ZNF782: variants seen among roughly 807,000 people sequenced by gnomAD.
ZNF782 encodes zinc finger protein 782.
Under a neutral mutation model 13.0 loss-of-function variants are expected in ZNF782, and 12 were observed. The ratio of observed to expected loss-of-function variants is 0.92; its 90% confidence interval spans 0.59 to 1.50. The LOEUF (loss-of-function observed/expected upper bound fraction) is 1.50, where lower values mean the gene tolerates loss of function less well. Among genes scored for constraint, ZNF782 ranks in the 40% most tolerant of loss-of-function variants. The pLI is 0.00. For missense variants in ZNF782, 770 were observed against 822.9 expected, an observed-to-expected ratio of 0.94 and a Z score of 0.79; for synonymous variants, 284 against 283.0, an observed-to-expected ratio of 1.00 and a Z score of -0.04.
At chr9:96,889,103 G>T in the ZNF782 span, 1 of 152,152 alleles carries the variant, frequency 6.6e-6, no homozygotes, top group African/African-American at 2.4e-5. Flanking sequence ...CGCAAAGCAG[G>T]AATTTCTCTA....
chr9:96,881,256 A>G, the ZNF782 span, among the ~76,000 whole-genome samples: 1 of 151,524 alleles, frequency 6.6e-6, no homozygotes, highest in East Asian at 1.9e-4. Context: ...TATGTTTTCA[A>G]TTTTCTTGAT....
upstream of ZNF782, among the ~76,000 whole-genome samples, chr9:96,855,613 A>AT (rs1307539154): frequency 1.3e-5 from 2 of 152,230 alleles, no homozygotes; most frequent in Non-Finnish European, 2.9e-5. Flanking sequence ...GCTAAGTAGT[A>AT]TATCATCAGA....
the ZNF782 span, among the ~76,000 whole-genome samples, chr9:96,924,794 G>C: frequency 6.6e-6 from 1 of 152,360 alleles, no homozygotes; most frequent in South Asian, 2.1e-4. Flanking sequence ...GAGCAGCACG[G>C]CCGAGACAAA....
In ZNF782 at chr9:96,827,149, T is replaced by G. The variant is rs751512381; in HGVS notation, c.175A>C (p.Thr59Pro). The change falls in exon 5 of 6, where the codon ACA (threonine) becomes CCA (proline). Residue 59 changes from threonine (T) to proline (P), a missense_variant. By Grantham distance (38) the Thr-to-Pro change is conservative (BLOSUM62 -1). Transcript: ENST00000481138. ...CATGGATCTTCTCCTTGTTCCAATG[T>G]GAAGATCAGTTCTGGTTTTGTAAAG... is the stretch of plus-strand genomic sequence containing the variant. ...YCFTKPELIF[T>P]LEQGEDPWLL... is the part of the protein sequence containing the mutation. The G allele has an allele frequency of 6.2e-7, 1 of 1,612,572 alleles. No individual in the cohort carries two copies. Among genetic ancestry groups the G allele is most frequent in the Admixed American group, 1.7e-5 (1 of 59,844 alleles).
chr9:96,818,703 G>T lies in ZNF782; in HGVS notation c.1320C>A (p.His440Gln). The T allele has an allele frequency of 6.2e-7, 1 of 1,613,148 alleles. No homozygotes were observed. Among genetic ancestry groups the T allele is most frequent in the Non-Finnish European group, 8.5e-7 (1 of 1,179,822 alleles). ...GTTTCTCCCCTGTGTGGGTTCTCTGGTGTATTCTTAGGCCTGACTTTGCAC... is the reference window on the plus strand; with the variant it reads ...GTTTCTCCCCTGTGTGGGTTCTCTGTTGTATTCTTAGGCCTGACTTTGCAC... ...AFSAKSGLRIHQRTHTGEKPF... is the reference protein window; with the variant it reads ...AFSAKSGLRIQQRTHTGEKPF... The change falls in exon 6 of 6, where the codon CAC (histidine) becomes CAA (glutamine). Residue 440 changes from histidine to glutamine, a missense_variant. By Grantham distance (24) the His-to-Gln change is conservative. Coordinates refer to ENST00000481138, the MANE Select transcript of ZNF782 (RefSeq NM_001001662.3).
chr9:96,885,307 A>G, the ZNF782 span, among the ~76,000 whole-genome samples: 1 of 152,184 alleles, frequency 6.6e-6, no homozygotes, highest in East Asian at 1.9e-4. Flanking sequence ...ACAAAAAGAA[A>G]CCAAATACAA....
At chr9:96,894,569 A>C in the ZNF782 span, 1 of 152,142 alleles carries the variant, frequency 6.6e-6, no homozygotes, top group African/African-American at 2.4e-5. Context: ...CCACTTACCC[A>C]AACTGTATTC....
chr9:96,880,943 T>C, the ZNF782 span, among the ~76,000 whole-genome samples: 1 of 152,200 alleles, frequency 6.6e-6, no homozygotes, highest in African/African-American at 2.4e-5. Flanking sequence ...TTTTAAACTA[T>C]GAATTCCATT....
chr9:96,844,368 A>C (rs1310773101), intron 4 of ZNF782, among the ~76,000 whole-genome samples: 1 of 152,246 alleles, frequency 6.6e-6, no homozygotes, highest in African/African-American at 2.4e-5. Context: ...ATAAAGGATA[A>C]TAAATTGCAG....
chr9:96,925,208 C>A, the ZNF782 span, among the ~76,000 whole-genome samples: 4 of 152,084 alleles, frequency 2.6e-5, no homozygotes, highest in Non-Finnish European at 5.9e-5. Context: ...CCTACACAGG[C>A]GCGCGGGGCA....
rs1210912250 is a variant in ZNF782, at chr9:96,850,028, G to C, written c.15+1919C>G. ...ACACAATGGATATTTGCATGGATGT[G>C]AAGAAAAGGGAATGCTTATACGCTG... On this transcript the variant is annotated intron_variant, in intron 3 of 5. Transcript: ENST00000481138. The surrounding 1 kb of genome is among the most constrained non-coding windows in gnomAD (Gnocchi z 4.3). Among the ~76,000 whole-genome samples, 3 of 152,150 alleles carry C rather than the reference G, an allele frequency of 2.0e-5. No homozygotes were observed. Among genetic ancestry groups the C allele is most frequent in the African/African-American group, 7.2e-5 (3 of 41,428 alleles).
At chr9:96,899,603 G>C in the ZNF782 span, among the ~76,000 whole-genome samples, 1 of 152,190 alleles carries the variant, frequency 6.6e-6, no homozygotes, top group Non-Finnish European at 1.5e-5. Context: ...CCAAGGTTAA[G>C]GGACTGCCTC....
chr9:96,884,581 G>C, the ZNF782 span, among the ~76,000 whole-genome samples: 1 of 151,956 alleles, frequency 6.6e-6, no homozygotes, highest in African/African-American at 2.4e-5. Flanking sequence ...CGAAGGCAGT[G>C]GAGCCAGTCA....
intron 4 of ZNF782, among the ~76,000 whole-genome samples, chr9:96,836,042 A>G (rs1324521907): frequency 6.6e-6 from 1 of 152,192 alleles, no homozygotes; most frequent in Non-Finnish European, 1.5e-5. Flanking sequence ...GAGAGAAGCC[A>G]TGAGAGTGGA....
At chr9:96,872,530 C>CA (rs34362915) in intron 1 of ZNF782, among the ~76,000 whole-genome samples, 62,675 of 138,510 alleles carry the variant, frequency 0.45, 14,251 homozygotes, top group Admixed American at 0.59. Flanking sequence ...GACTCTGTCT[C>CA]AAAAAAAAAA....
chr9:96,840,032 T>C (rs1435154714), intron 4 of ZNF782, among the ~76,000 whole-genome samples: 3 of 152,212 alleles, frequency 2.0e-5, no homozygotes, highest in African/African-American at 4.8e-5. Flanking sequence ...GTACTGTATA[T>C]GTTGCTGAGT....
chr9:96,917,349 A>G, the ZNF782 span, among the ~76,000 whole-genome samples: 1 of 151,422 alleles, frequency 6.6e-6, no homozygotes, highest in African/African-American at 2.4e-5. Context: ...GATGTTTAGC[A>G]AGGCTATTTG....
chr9:96,896,024 C>T, the ZNF782 span: 1 of 152,188 alleles, frequency 6.6e-6, no homozygotes, highest in Non-Finnish European at 1.5e-5. Context: ...TCCCATTCTA[C>T]TCCCCTATTT....
chr9:96,912,560 G>A, the ZNF782 span, among the ~76,000 whole-genome samples: 3 of 148,258 alleles, frequency 2.0e-5, no homozygotes, highest in Non-Finnish European at 3.0e-5. Context: ...ATGGAGTCTC[G>A]CTCTGTTGCC....
Sources: gnomAD v4.1 joint callset for allele counts (sites outside exome capture counted in the v4.1 genomes callset) on GRCh38, gnomAD v4.1.1 for gene constraint, Gnocchi (gnomAD v3.1) non-coding constraint, MANE v1.5 for transcripts, NCBI Gene and HGNC (gene_info 2026-07-23, HGNC 2026-07-21) for gene names.